Variants in UTP25 observed in about 807,000 individuals in gnomAD.
UTP25 encodes UTP25 small subunit processome component.
Under a neutral mutation model 78.9 loss-of-function variants are expected in UTP25, and 50 were observed. That is an observed-to-expected ratio of 0.63 (90% CI 0.50 to 0.80). The LOEUF (loss-of-function observed/expected upper bound fraction) is 0.80. UTP25 is among the 30% of genes least tolerant of loss of function. UTP25 has a pLI of 0.00. For missense variants in UTP25, 846 were observed against 911.3 expected (o/e 0.93, Z 0.92); for synonymous variants, 329 against 336.5 (o/e 0.98, Z 0.24).
chr1:209,836,005 T>G (rs1465458275), intron 5 of UTP25, among the ~76,000 whole-genome samples: 2 of 152,200 alleles, frequency 1.3e-5, no homozygotes, highest in Non-Finnish European at 2.9e-5. Flanking sequence ...CAAATCCTTG[T>G]TGCCCTTTTA....
In UTP25 at chr1:209,833,351, C is replaced by T. The variant is rs1355482388; in HGVS notation, c.555C>T (p.Ala185=). Residue 185 remains alanine, a synonymous_variant, in exon 4 of 12, where the codon GCC becomes GCT. Transcript: ENST00000491415. ...GTGGAGACAACTCTTCTTTGAAAGC[C>T]TCTCAAGGTCATAGCACAGTGTGTG... ...EESGDNSSLK[A]SQDPFLQHVN... is the part of the protein sequence containing the mutation. 6.4e-7 allele frequency: 1 copy of T among 1,569,378 alleles called. No homozygotes were observed. The highest frequency in any genetic ancestry group is 1.4e-5 in the African/African-American group (1 of 72,890).
At position 209,835,221 on chromosome 1, in the gene UTP25, G is replaced by C. The variant is rs2078126631; in HGVS notation, c.651+58G>C. On this transcript the variant is annotated intron_variant, in intron 5 of 11. Transcript: ENST00000491415. Reference sequence around the variant, plus strand: ...AGAGAAAGCTCTAAATAAAACAGTGGTCTTGGGTTTTAGTGGCCTCCCAGA... The same window carrying C: ...AGAGAAAGCTCTAAATAAAACAGTGCTCTTGGGTTTTAGTGGCCTCCCAGA... The C allele has an allele frequency of 2.6e-6, 4 of 1,511,070 alleles. No individual in the cohort carries two copies. The South Asian group carries it at 4.5e-5, about 17-fold the overall frequency. 93.6% of individuals were successfully genotyped at this position (1,511,070 alleles called of 1,614,324 possible).
intron 1 of UTP25, among the ~76,000 whole-genome samples, chr1:209,829,490 TTTC>T (rs1345877378): frequency 1.4e-5 from 2 of 144,868 alleles, no homozygotes; most frequent in Non-Finnish European, 1.5e-5. Flanking sequence ...TCTTTTCTTT[TTTC>T]TTTTTTTTGA....
chr1:209,833,138 A>G (rs1206832707), intron 3 of UTP25, 47 bp from the exon 4 acceptor site: 1 of 1,553,426 alleles, frequency 6.4e-7, no homozygotes, highest in African/African-American at 1.4e-5. Flanking sequence ...CAACAGAAGT[A>G]TAATTTGTGA....
Position 209,842,427 on chromosome 1 carries a change from T to C in UTP25, c.1648T>C (p.Cys550Arg). ...GATCAACTCAGTGTTCAACAAGTACTGTGTCAACATGCAAGGCCAGGTGGG... is the reference window on the plus strand; with the variant it reads ...GATCAACTCAGTGTTCAACAAGTACCGTGTCAACATGCAAGGCCAGGTGGG... ...AQINSVFNKYCVNMQGQVAVR... is the reference protein window; with the variant it reads ...AQINSVFNKYRVNMQGQVAVR... Residue 550 changes from cysteine to arginine, a missense_variant, in exon 9 of 12, where the codon TGT becomes CGT. Transcript: ENST00000491415. 1 of 1,614,168 alleles carries C rather than the reference T, an allele frequency of 6.2e-7. No individual in the cohort carries two copies. The highest frequency in any genetic ancestry group is 2.2e-5 in the East Asian group (1 of 44,888).
chr1:209,848,160 T>TA (rs924243042), intron 11 of UTP25, among the ~76,000 whole-genome samples: 12 of 151,804 alleles, frequency 7.9e-5, no homozygotes, highest in African/African-American at 2.4e-5. Flanking sequence ...TAAGTATTAA[T>TA]AAAAAAAATA....
At chr1:209,828,966 G>C (rs111764085) in intron 1 of UTP25, among the ~76,000 whole-genome samples, 3 of 151,388 alleles carry the variant, frequency 2.0e-5, no homozygotes, top group Non-Finnish European at 4.4e-5. Context: ...TTGAGACGGG[G>C]TTTCACCATG....
chr1:209,846,597 C>T (rs1012443013), intron 11 of UTP25, among the ~76,000 whole-genome samples: 2 of 152,192 alleles, frequency 1.3e-5, no homozygotes, highest in African/African-American at 4.8e-5. Context: ...CCTCATTTGT[C>T]TTTAACAGTG....
At position 209,828,038 on chromosome 1, in the gene UTP25, A is replaced by T. The variant is rs1381824480; in HGVS notation, c.-26A>T. On this transcript the variant is annotated 5_prime_UTR_variant, in exon 1 of 12. Coordinates refer to ENST00000491415, the MANE Select transcript of UTP25 (RefSeq NM_014388.7). ...CCTGGTGGAAAACCGCGACTCTTGC[A>T]AGTGGGCAAACTTGACGTTTTCGCT... The T allele has an allele frequency of 6.3e-7, 1 of 1,596,134 alleles. No individual in the cohort carries two copies. The highest frequency in any genetic ancestry group is 1.7e-5 in the Admixed American group (1 of 60,000).
At chr1:209,840,278 C>T (rs993096131) in intron 7 of UTP25, among the ~76,000 whole-genome samples, 18 of 152,118 alleles carry the variant, frequency 1.2e-4, no homozygotes, top group African/African-American at 1.9e-4. Context: ...TTATGCAGCA[C>T]GAGAGCAGAG....
At chr1:209,849,005 T>C (rs2078214004) in intron 11 of UTP25, among the ~76,000 whole-genome samples, 1 of 143,524 alleles carries the variant, frequency 7.0e-6, no homozygotes, top group African/African-American at 2.6e-5. Flanking sequence ...GGAGGGTTTT[T>C]CTCAGTGTCC....
intron 4 of UTP25, among the ~76,000 whole-genome samples, chr1:209,834,638 C>T (rs2078122700): frequency 6.6e-6 from 1 of 152,084 alleles, no homozygotes; most frequent in African/African-American, 2.4e-5. Flanking sequence ...ACACAGTAAG[C>T]CTGGGAAGTA....
intron 1 of UTP25, among the ~76,000 whole-genome samples, chr1:209,829,683 C>A (rs2078092200): frequency 6.6e-6 from 1 of 151,790 alleles, no homozygotes; most frequent in Non-Finnish European, 1.5e-5. Flanking sequence ...ACAGGGTCTC[C>A]GTATGTTACC....
chr1:209,837,431 A>G (rs558015231), intron 6 of UTP25, among the ~76,000 whole-genome samples: 52 of 152,202 alleles, frequency 3.4e-4, no homozygotes, highest in African/African-American at 1.2e-3. Context: ...AACTTGCGAG[A>G]AGGAGGCACT....
rs777170728 is a variant in UTP25, at chr1:209,839,026, G to A, written c.1180G>A (p.Gly394Arg). Residue 394 changes from glycine to arginine, a missense_variant, in exon 7 of 12, where the codon GGA becomes AGA. Gly to Arg is a moderately radical substitution (Grantham distance 125). Transcript: ENST00000491415. Reference sequence around the variant, plus strand: ...TGTGAGCAACAAAAAGAGGTTTCAGGGAGAATATGGATCAGATCCCGAGGA... The same window carrying A: ...TGTGAGCAACAAAAAGAGGTTTCAGAGAGAATATGGATCAGATCCCGAGGA... ...IIVSNKKRFQ[G>R]EYGSDPEERP... 6.2e-7 allele frequency: 1 copy of A among 1,614,102 alleles called. No homozygotes were observed. Among genetic ancestry groups the A allele is most frequent in the East Asian group, 2.2e-5 (1 of 44,884 alleles).
chr1:209,848,295 A>G (rs865940664), intron 11 of UTP25, among the ~76,000 whole-genome samples: 3 of 152,372 alleles, frequency 2.0e-5, no homozygotes, highest in African/African-American at 7.2e-5. Context: ...TCTCATCAGA[A>G]GGCACGTAAT....
chr1:209,829,186 A>T (rs534677016), intron 1 of UTP25, among the ~76,000 whole-genome samples: 1 of 152,352 alleles, frequency 6.6e-6, no homozygotes, highest in African/African-American at 2.4e-5. Context: ...AAATCCGGGT[A>T]ATTAGCATAT....
rs1336649398 is a variant in UTP25, at chr1:209,854,977, C to T, written c.*3530C>T. 6.6e-6 allele frequency: 1 copy of T among 152,184 alleles called. No individual in the cohort carries two copies. Among genetic ancestry groups the T allele is most frequent in the Non-Finnish European group, 1.5e-5 (1 of 68,040 alleles). 9.4% of individuals were successfully genotyped at this position (152,184 alleles called of 1,614,324 possible). A position where few individuals can be genotyped will look rare whatever the true frequency, so the allele number is the denominator to read the frequency against. On this transcript the variant is annotated 3_prime_UTR_variant, in exon 12 of 12. Coordinates refer to ENST00000491415, the MANE Select transcript of UTP25 (RefSeq NM_014388.7). ...TTCATTACCAAATTTCTACTCCACA[C>T]TTATTTTAAAAAGCTTTTCTGAAAG...
chr1:209,833,416 A>G (rs1372416678), intron 4 of UTP25, 58 bp downstream of exon 4: 1 of 1,387,312 alleles, frequency 7.2e-7, no homozygotes, highest in South Asian at 1.5e-5. Context: ...GAATTTGTGT[A>G]CTAATACACA....
Sources: allele counts gnomAD v4.1 joint callset (sites outside exome capture counted in the v4.1 genomes callset), GRCh38; gene constraint gnomAD v4.1.1; transcripts MANE v1.5; gene names NCBI Gene and HGNC (gene_info 2026-07-23, HGNC 2026-07-21).